Variants in KMT2C observed in about 807,000 individuals in gnomAD.
KMT2C encodes histone-lysine N-methyltransferase 2C.
Under a neutral mutation model 507.9 loss-of-function variants are expected in KMT2C, and 88 were observed. The observed-to-expected ratio is 0.17, with a 90% CI of 0.15 to 0.21. The LOEUF (loss-of-function observed/expected upper bound fraction) is 0.21, where lower values mean the gene tolerates loss of function less well. Ranked by LOEUF, KMT2C falls within the 10% of genes least tolerant of loss-of-function variation. The pLI is 1.00. For synonymous variants in KMT2C, 2,049 were observed against 2,080.8 expected (o/e 0.98, Z 0.42); for missense variants, 4,954 against 5,957.8 (o/e 0.83, Z 5.55).
At chr7:152,312,707 G>T (rs975403730) in intron 4 of KMT2C, among the ~76,000 whole-genome samples, 1 of 152,084 alleles carries the variant, frequency 6.6e-6, no homozygotes, top group African/African-American at 2.4e-5. Flanking sequence ...AGGCTTTCAA[G>T]GTCTAACACT....
At chr7:152,363,742 G>C (rs551110966) in intron 1 of KMT2C, among the ~76,000 whole-genome samples, 1 of 152,174 alleles carries the variant, frequency 6.6e-6, no homozygotes, top group African/African-American at 2.4e-5. Flanking sequence ...GACTACCCAA[G>C]AGAAGAGAGG....
intron 6 of KMT2C, among the ~76,000 whole-genome samples, chr7:152,299,319 AAAATAAATAAATAAAT>A (rs71294474): frequency 2.0e-5 from 3 of 146,670 alleles, no homozygotes; most frequent in African/African-American, 5.2e-5. Flanking sequence ...TCTATCTCAA[AAAATAAATAAATAAAT>A]AAATAAATAA....
intron 3 of KMT2C, among the ~76,000 whole-genome samples, chr7:152,321,451 G>A (rs1212956341): frequency 1.3e-5 from 2 of 151,672 alleles, no homozygotes; most frequent in Non-Finnish European, 2.9e-5. Context: ...AGACATAAGG[G>A]ATCCCAGTAG....
intron 27 of KMT2C, 135 bp downstream of exon 27, chr7:152,199,144 T>A: frequency 1.5e-6 from 1 of 655,672 alleles, no homozygotes; most frequent in Non-Finnish European, 2.5e-6. Flanking sequence ...ACTTACTGAA[T>A]GTAAGTTATA....
intron 4 of KMT2C, among the ~76,000 whole-genome samples, chr7:152,313,717 A>G (rs1322627948): frequency 6.6e-6 from 1 of 152,146 alleles, no homozygotes; most frequent in Non-Finnish European, 1.5e-5. Context: ...CCTACCCTTC[A>G]ATGATGCCAA....
At chr7:152,418,271 C>T (rs1397632688) in intron 1 of KMT2C, among the ~76,000 whole-genome samples, 1 of 151,976 alleles carries the variant, frequency 6.6e-6, no homozygotes, top group East Asian at 1.9e-4. Context: ...ATTATCCTGC[C>T]TATGGTAATC....
chr7:152,236,205 C>T (rs2095270485), intron 15 of KMT2C, among the ~76,000 whole-genome samples: 2 of 152,294 alleles, frequency 1.3e-5, no homozygotes, highest in South Asian at 2.1e-4. Context: ...CTCTTTCCCA[C>T]TCCTACATTC....
Position 152,176,402 on chromosome 7 carries a change from T to C in KMT2C, c.9051A>G (p.Thr3017=). Residue 3017 remains threonine, a synonymous_variant, in exon 38 of 59, where the codon ACA becomes ACG. Transcript: ENST00000262189. ...GKPATQTGPQ[T]SQSGTSSMSG... is the part of the protein sequence containing the mutation. ...ACATGCTACTGGTACCAGACTGACT[T>C]GTTTGAGGCCCAGTTTGAGTTGCAG... The C allele has an allele frequency of 6.2e-7, 1 of 1,614,154 alleles. No individual in the cohort carries two copies. Among genetic ancestry groups the C allele is most frequent in the Non-Finnish European group, 8.5e-7 (1 of 1,180,026 alleles).
In KMT2C at chr7:152,163,271, T is replaced by C. The variant is rs747866175; in HGVS notation, c.10306A>G (p.Met3436Val). ...CTACTACTTATCTCAGAGCCCACCA[T>C]ACCATGCTGCTCCATTTCCATCCTC... is the stretch of plus-strand genomic sequence containing the variant. ...QQRMEMEQHGMVGSEISSSRT... is the reference protein window; with the variant it reads ...QQRMEMEQHGVVGSEISSSRT... The change falls in exon 43 of 59, where the codon ATG (methionine) becomes GTG (valine). Residue 3436 changes from methionine to valine, a missense_variant. Met to Val is a conservative substitution (Grantham distance 21). Transcript: ENST00000262189. 15 of 1,614,090 alleles carry C rather than the reference T, an allele frequency of 9.3e-6. No individual in the cohort carries two copies. The African/African-American group carries it at 1.2e-4, about 13-fold the overall frequency.
At chr7:152,137,903 G>A (rs944941930) in intron 58 of KMT2C, 1 of 152,272 alleles carries the variant, frequency 6.6e-6, no homozygotes, top group Admixed American at 6.5e-5. Context: ...CGGGCCTTGG[G>A]TCTAGTCGGA....
intron 23 of KMT2C, among the ~76,000 whole-genome samples, chr7:152,216,820 T>C (rs112657056): frequency 1.1e-3 from 168 of 152,284 alleles, no homozygotes; most frequent in South Asian, 1.4e-3. Flanking sequence ...TGGGATTCTG[T>C]TGAGTTCTGT....
chr7:152,180,346 A>G (rs2129118683), intron 36 of KMT2C, among the ~76,000 whole-genome samples: 1 of 152,244 alleles, frequency 6.6e-6, no homozygotes, highest in Non-Finnish European at 1.5e-5. Flanking sequence ...AAATCCTGAT[A>G]CTTTCATTAT....
chr7:152,257,347 A>G (rs2095677487), intron 9 of KMT2C, among the ~76,000 whole-genome samples: 1 of 152,212 alleles, frequency 6.6e-6, no homozygotes, highest in South Asian at 2.1e-4. Flanking sequence ...GAGGTTTAAA[A>G]CAGAAAACAA....
At chr7:152,301,559 C>G (rs971473266) in intron 6 of KMT2C, among the ~76,000 whole-genome samples, 10 of 151,866 alleles carry the variant, frequency 6.6e-5, no homozygotes, top group Non-Finnish European at 1.3e-4. Context: ...TGGTGGCATG[C>G]ATTTGTGATC....
intron 9 of KMT2C, among the ~76,000 whole-genome samples, chr7:152,256,138 C>G (rs924769419): frequency 4.6e-5 from 7 of 152,112 alleles, no homozygotes; most frequent in Non-Finnish European, 7.4e-5. Flanking sequence ...CCACTGCACT[C>G]CAGCCTGAGC....
At position 152,155,898 on chromosome 7, in the gene KMT2C, A is replaced by G; in HGVS notation, c.11960+12T>C. ...ATAACTAAGAATTATTTGAGAAAAAAATAACCTGTACCTTAATTCTTCCTG... is the reference window on the plus strand; with the variant it reads ...ATAACTAAGAATTATTTGAGAAAAAGATAACCTGTACCTTAATTCTTCCTG... On this transcript the variant is annotated intron_variant, in intron 46 of 58. Coordinates refer to ENST00000262189, the MANE Select transcript of KMT2C (RefSeq NM_170606.3). The G allele has an allele frequency of 1.3e-6, 2 of 1,578,690 alleles. No homozygotes were observed. The highest frequency in any genetic ancestry group is 1.7e-6 in the Non-Finnish European group (2 of 1,171,600).
intron 53 of KMT2C, 34 bp from the exon 54 acceptor site, chr7:152,145,329 C>T (rs762604700): frequency 5.6e-6 from 9 of 1,607,224 alleles, no homozygotes; most frequent in Non-Finnish European, 7.6e-6. Flanking sequence ...AAAGTCACCC[C>T]ATCTGATGGA....
chr7:152,319,622 G>T (rs1323004807), intron 3 of KMT2C, among the ~76,000 whole-genome samples: 2 of 151,940 alleles, frequency 1.3e-5, no homozygotes, highest in Admixed American at 6.6e-5. Flanking sequence ...CTTGTGGAGG[G>T]CCTGACATCA....
chr7:152,169,090 C>T, intron 41 of KMT2C, 96 bp downstream of exon 41: 2 of 730,000 alleles, frequency 2.7e-6, no homozygotes, highest in South Asian at 3.7e-5. Flanking sequence ...TGGGCTTGAA[C>T]TGGTGTACCT....
Sources: allele counts gnomAD v4.1 joint callset (sites outside exome capture counted in the v4.1 genomes callset), GRCh38; gene constraint gnomAD v4.1.1; transcripts MANE v1.5; gene names NCBI Gene and HGNC (gene_info 2026-07-23, HGNC 2026-07-21).